The following ACSL5 variants were observed in gnomAD, a reference collection of about 807,000 sequenced individuals.
ACSL5 encodes the protein long-chain-fatty-acid--CoA ligase 5.
ACSL5 carries 50 observed loss-of-function variants against 84.9 expected under a neutral mutation model. The ratio of observed to expected loss-of-function variants is 0.59; its 90% CI spans 0.47 to 0.75. The LOEUF is 0.75. Ranked by LOEUF, ACSL5 falls within the 30% of genes least tolerant of loss-of-function variation. The pLI is 0.00. For missense variants in ACSL5, 775 were observed against 830.4 expected, an observed-to-expected ratio of 0.93 and a Z score of 0.82; for synonymous variants, 280 against 300.7, an observed-to-expected ratio of 0.93 and a Z score of 0.71.
chr10:112,394,800 G>T (rs1564733876), intron 1 of ACSL5, 118 bp from the exon 2 acceptor site: 11 of 1,504,034 alleles, frequency 7.3e-6, no homozygotes, highest in Middle Eastern at 2.0e-4. Flanking sequence ...GGGTTTGAAG[G>T]CGTGCGCGCG....
chr10:112,405,379 A>G (rs1388483609), intron 5 of ACSL5, among the ~76,000 whole-genome samples: 4 of 152,226 alleles, frequency 2.6e-5, no homozygotes, highest in African/African-American at 7.2e-5. Flanking sequence ...TACATATAAC[A>G]TACAAAATCT....
At chr10:112,400,411 T>TTC (rs1564735857) in intron 3 of ACSL5, among the ~76,000 whole-genome samples, 3 of 112,132 alleles carry the variant, frequency 2.7e-5, no homozygotes, top group African/African-American at 6.4e-5. Flanking sequence ...CTTTTCTTTT[T>TTC]TTTTTTTTTT....
intron 16 of ACSL5, 128 bp from the exon 17 acceptor site, chr10:112,422,196 AG>A: frequency 9.3e-7 from 1 of 1,077,384 alleles, no homozygotes; most frequent in Non-Finnish European, 1.4e-6. Flanking sequence ...GTGGAGACTT[AG>A]ATCTGGTGCT....
At chr10:112,377,465 C>T (rs1451293923) in intron 1 of ACSL5, among the ~76,000 whole-genome samples, 5 of 152,100 alleles carry the variant, frequency 3.3e-5, no homozygotes, top group African/African-American at 4.8e-5. Flanking sequence ...ACCTAGGAGG[C>T]GGAGGTTGCA....
At chr10:112,411,615 C>T in intron 10 of ACSL5, 86 bp downstream of exon 10, 1 of 1,160,256 alleles carries the variant, frequency 8.6e-7, no homozygotes, top group Non-Finnish European at 1.3e-6. Context: ...CAGGCAGACA[C>T]ACACACACAC....
At chr10:112,396,331 G>A (rs1843745226) in intron 2 of ACSL5, 1 of 152,166 alleles carries the variant, frequency 6.6e-6, no homozygotes, top group East Asian at 1.9e-4. Flanking sequence ...AACATATGCT[G>A]TAAAGGCCAG....
At chr10:112,397,229 G>A (rs968948129) in intron 2 of ACSL5, among the ~76,000 whole-genome samples, 1 of 150,964 alleles carries the variant, frequency 6.6e-6, no homozygotes, top group Non-Finnish European at 1.5e-5. Flanking sequence ...AGTGCAAATG[G>A]TGTGATCTTG....
chr10:112,421,946 G>A lies in ACSL5; in HGVS notation c.1388-1G>A. 1 of 1,614,084 alleles carries A rather than the reference G, an allele frequency of 6.2e-7. No homozygotes were observed. Among genetic ancestry groups the A allele is most frequent in the Non-Finnish European group, 8.5e-7 (1 of 1,179,956 alleles). On this transcript the variant is annotated splice_acceptor_variant, in intron 15 of 20. Coordinates refer to ENST00000354655, the MANE Select transcript of ACSL5 (RefSeq NM_203379.2). LOFTEE classifies it high-confidence loss of function. ...AGCTAATTCAGCACGGTATGTTCTA[G>A]GTCACGTTGGGGTGCCCCTGGCTTG...
chr10:112,400,112 T>G (rs1843844408), intron 3 of ACSL5, among the ~76,000 whole-genome samples: 1 of 152,232 alleles, frequency 6.6e-6, no homozygotes, highest in African/African-American at 2.4e-5. Flanking sequence ...CTTATAGACT[T>G]CATGCAAATA....
chr10:112,417,897 T>G lies in ACSL5; in HGVS notation c.1270T>G (p.Ser424Ala), dbSNP rs755045342. The G allele has an allele frequency of 1.9e-6, 3 of 1,613,852 alleles. No homozygotes were observed. Among genetic ancestry groups the G allele is most frequent in the Non-Finnish European group, 2.5e-6 (3 of 1,179,898 alleles). Reference protein sequence around the residue: ...RVIVTGAAPMSTSVMTFFRAA... With the variant: ...RVIVTGAAPMATSVMTFFRAA... ...AATTGTCACTGGAGCTGCCCCCATG[T>G]CCACTTCAGTCATGACATTCTTCCG... Residue 424 changes from serine (S) to alanine (A), a missense_variant, in exon 14 of 21, where the codon TCC becomes GCC. Physicochemically the swap from Ser to Ala is moderately conservative, Grantham distance 99. Transcript: ENST00000354655.
intron 1 of ACSL5, among the ~76,000 whole-genome samples, chr10:112,391,247 C>A (rs1412629966): frequency 6.6e-6 from 1 of 151,982 alleles, no homozygotes; most frequent in Non-Finnish European, 1.5e-5. Context: ...CGCATGGTGG[C>A]AGGCACCTGC....
chr10:112,411,378 A>G lies in ACSL5; in HGVS notation c.797-78A>G, dbSNP rs1336378587. On this transcript the variant is annotated intron_variant, in intron 9 of 20. Coordinates refer to ENST00000354655, the MANE Select transcript of ACSL5 (RefSeq NM_203379.2). ...TGGCCTTCTGGAATAAAACCAATTG[A>G]ATCTAGTTTCTTTCAAGGCCAAAGG... 2.5e-6 allele frequency: 3 copies of G among 1,211,380 alleles called. No individual in the cohort carries two copies. The African/African-American group carries it at 4.5e-5, about 18-fold the overall frequency. The allele number at this position is 1,211,380 out of a possible 1,614,324, so 75.0% of individuals were successfully genotyped here. A position where few individuals can be genotyped will look rare whatever the true frequency, so the allele number is the denominator to read the frequency against.
chr10:112,412,024 A>G (rs1057310985), intron 11 of ACSL5, 45 bp downstream of exon 11: 1 of 1,512,038 alleles, frequency 6.6e-7, no homozygotes, highest in African/African-American at 1.4e-5. Context: ...GGGGGTCCTG[A>G]CTTGCTATCA....
intron 1 of ACSL5, among the ~76,000 whole-genome samples, chr10:112,378,148 G>A (rs1849276781): frequency 6.6e-6 from 1 of 151,120 alleles, no homozygotes; most frequent in South Asian, 2.1e-4. Context: ...AATGAATGGA[G>A]AGAGGGAAGA....
At chr10:112,401,661 T>A (rs1015164718) in intron 3 of ACSL5, among the ~76,000 whole-genome samples, 72 of 152,238 alleles carry the variant, frequency 4.7e-4, no homozygotes, top group Non-Finnish European at 7.9e-4. Flanking sequence ...TTTGGGCTAA[T>A]TATTTGACTT....
rs1422860715 is a variant in ACSL5 at position 112,410,578 on chromosome 10, C to T, written c.745-6C>T. 1.2e-6 allele frequency: 2 copies of T among 1,614,030 alleles called. No homozygotes were observed. Among genetic ancestry groups the T allele is most frequent in the Non-Finnish European group, 1.7e-6 (2 of 1,180,036 alleles). Reference sequence around the variant, plus strand: ...GTGGAATAAGCCCTTGTGCTTCCTCCTCCAGCCTCCTAGCCCAGAAGACCT... The same window carrying T: ...GTGGAATAAGCCCTTGTGCTTCCTCTTCCAGCCTCCTAGCCCAGAAGACCT... On this transcript the variant is annotated splice_region_variant and splice_polypyrimidine_tract_variant and intron_variant, in intron 8 of 20. Transcript: ENST00000354655.
rs1193534246 is a variant in ACSL5 at position 112,377,802 on chromosome 10, A to G, written c.-30+3533A>G. The stretch of plus-strand genomic sequence containing the variant: ...AAATAAAACAAGAAGTGTAAGTGCA[A>G]ATGCTTATAGGACAGGCAAGTAATA... On this transcript the variant is annotated intron_variant, in intron 1 of 20. Coordinates refer to ENST00000354655, the MANE Select transcript of ACSL5 (RefSeq NM_203379.2). Among the ~76,000 whole-genome samples, 4 of 152,322 alleles carry G rather than the reference A, an allele frequency of 2.6e-5. No homozygotes were observed. In the East Asian group the frequency reaches 7.7e-4, roughly 29 times the overall value.
intron 1 of ACSL5, chr10:112,376,314 A>C: frequency 6.2e-7 from 1 of 1,614,110 alleles, no homozygotes; most frequent in Non-Finnish European, 8.5e-7. Flanking sequence ...GCCTGCATGG[A>C]CGCTCTGAAG....
chr10:112,426,981 T>C (rs774408057), intron 20 of ACSL5, 122 bp downstream of exon 20: 1 of 987,416 alleles, frequency 1.0e-6, no homozygotes, highest in Non-Finnish European at 1.5e-6. Context: ...TGCCATTAAC[T>C]ACAAAATGAC....
Sources: gnomAD v4.1 joint callset for allele counts (sites outside exome capture counted in the v4.1 genomes callset) on GRCh38, gnomAD v4.1.1 for gene constraint, MANE v1.5 for transcripts, NCBI Gene and HGNC (gene_info 2026-07-23, HGNC 2026-07-21) for gene names.